Variants in CACNG3 observed in about 807,000 individuals in gnomAD.
CACNG3 encodes voltage-dependent calcium channel gamma-3 subunit.
CACNG3 carries 3 observed loss-of-function variants against 28.5 expected under a neutral mutation model. The observed-to-expected ratio is 0.11, with a 90% CI of 0.05 to 0.27. The LOEUF is 0.27. CACNG3 is among the 10% of genes least tolerant of loss of function. The pLI, the probability that CACNG3 is intolerant of heterozygous loss-of-function variation, is 1.00. For synonymous variants in CACNG3, 174 were observed against 162.2 expected (o/e 1.07, Z -0.55); for missense variants, 236 against 414.4 (o/e 0.57, Z 3.74).
intron 1 of CACNG3, among the ~76,000 whole-genome samples, chr16:24,290,725 C>A (rs1211243209): frequency 1.3e-5 from 2 of 152,126 alleles, no homozygotes; most frequent in Non-Finnish European, 2.9e-5. Flanking sequence ...AGGTGTGAGC[C>A]ACTACACCCA....
intron 1 of CACNG3, among the ~76,000 whole-genome samples, chr16:24,296,062 A>T (rs540414805): frequency 2.6e-5 from 4 of 152,294 alleles, no homozygotes; most frequent in South Asian, 4.1e-4. Flanking sequence ...GGTGCATCAC[A>T]CCAAAATAAG....
At chr16:24,263,449 G>T (rs577578474) in intron 1 of CACNG3, among the ~76,000 whole-genome samples, 118 of 152,066 alleles carry the variant, frequency 7.8e-4, no homozygotes, top group Non-Finnish European at 1.5e-3. Context: ...TGTTTCTGAG[G>T]TTAAACAGAA....
intron 1 of CACNG3, among the ~76,000 whole-genome samples, chr16:24,297,612 T>G (rs1165182674): frequency 6.6e-6 from 1 of 152,206 alleles, no homozygotes; most frequent in African/African-American, 2.4e-5. Context: ...CTCGATAGCC[T>G]GAGCAAACAG....
chr16:24,360,813 C>T (rs1172356019), intron 3 of CACNG3, among the ~76,000 whole-genome samples: 1 of 152,166 alleles, frequency 6.6e-6, no homozygotes, highest in Non-Finnish European at 1.5e-5. Flanking sequence ...CCTGGCTCAC[C>T]CCTATTTGAT....
At chr16:24,282,488 G>C (rs1331897758) in intron 1 of CACNG3, among the ~76,000 whole-genome samples, 1 of 151,858 alleles carries the variant, frequency 6.6e-6, no homozygotes, top group Non-Finnish European at 1.5e-5. Context: ...TGTTGGCCAG[G>C]ATGATCTCGA....
In CACNG3 at chr16:24,256,705, A is replaced by T. The variant is rs773865647; in HGVS notation, c.-50A>T. 7.9e-7 allele frequency: 1 copy of T among 1,267,084 alleles called. No individual in the cohort carries two copies. Among genetic ancestry groups the T allele is most frequent in the Non-Finnish European group, 1.2e-6 (1 of 864,378 alleles). 78.5% of individuals were successfully genotyped at this position (1,267,084 alleles called of 1,614,324 possible). Reference sequence around the variant, plus strand: ...CTGCAGAGTGATTTTCCCCTCCGGCACTGACTCTCCCCCTCCAACCCCCAG... The same window carrying T: ...CTGCAGAGTGATTTTCCCCTCCGGCTCTGACTCTCCCCCTCCAACCCCCAG... On this transcript the variant is annotated 5_prime_UTR_variant, in exon 1 of 4. Coordinates refer to ENST00000005284, the MANE Select transcript of CACNG3 (RefSeq NM_006539.4). The surrounding 1 kb of genome is among the most constrained non-coding windows in gnomAD (Gnocchi z 4.6).
intron 1 of CACNG3, among the ~76,000 whole-genome samples, chr16:24,312,965 GAAAAGAAAGAAAGAAAT>G (rs1567216127): frequency 1.0e-5 from 1 of 99,632 alleles, no homozygotes; most frequent in East Asian, 2.9e-4. Flanking sequence ...GAGAAAGAAA[GAAAAGAAAGAAAGAAAT>G]AAAAGAAAGA....
intron 1 of CACNG3, among the ~76,000 whole-genome samples, chr16:24,318,506 CGAAT>C (rs1899417181): frequency 6.6e-6 from 1 of 152,072 alleles, no homozygotes; most frequent in African/African-American, 2.4e-5. Context: ...TATCCTTTTT[CGAAT>C]GAATGAATGA....
chr16:24,358,235 T>C (rs1438708811), intron 3 of CACNG3, among the ~76,000 whole-genome samples: 2 of 152,274 alleles, frequency 1.3e-5, no homozygotes, highest in Non-Finnish European at 2.9e-5. Context: ...TCAGATACTA[T>C]GCAGAATGCC....
chr16:24,293,973 G>A (rs568205960), intron 1 of CACNG3, among the ~76,000 whole-genome samples: 4 of 152,028 alleles, frequency 2.6e-5, no homozygotes, highest in East Asian at 1.9e-4. Flanking sequence ...CTTGCTTTTC[G>A]TCCCCATCCA....
chr16:24,359,147 G>A (rs969753008), intron 3 of CACNG3, among the ~76,000 whole-genome samples: 19 of 152,102 alleles, frequency 1.2e-4, no homozygotes, highest in Admixed American at 5.2e-4. Context: ...CATGGCAGAG[G>A]AGAGAAAAAA....
intron 1 of CACNG3, among the ~76,000 whole-genome samples, chr16:24,314,870 G>C (rs779438590): frequency 3.6e-4 from 55 of 152,052 alleles, no homozygotes; most frequent in Non-Finnish European, 6.2e-4. Context: ...AGGGGCTGCA[G>C]GTTCCGAGGG....
At chr16:24,354,256 G>T (rs926606122) in intron 2 of CACNG3, among the ~76,000 whole-genome samples, 2 of 152,154 alleles carry the variant, frequency 1.3e-5, no homozygotes, top group African/African-American at 2.4e-5. Flanking sequence ...GATCGCTCTC[G>T]ATCTATCATG....
intron 1 of CACNG3, among the ~76,000 whole-genome samples, chr16:24,284,901 A>T (rs535327559): frequency 6.6e-6 from 1 of 152,042 alleles, no homozygotes; most frequent in Admixed American, 6.6e-5. Flanking sequence ...TGATAAAATC[A>T]TTGAAGGGGA....
rs1899396856 is a variant in CACNG3 at position 24,317,680 on chromosome 16, G to GAAAGAAAGAAAGAA, written c.212-29052_212-29039dup. ...AGAAAGAAAGAAAGAAAGAAAGAAA[G>GAAAGAAAGAAAGAA]AAAGAAAGAAAGAAAGAAAGAAAGA... On this transcript the variant is annotated intron_variant, in intron 1 of 3. Transcript: ENST00000005284. 8.8e-5 allele frequency among the ~76,000 whole-genome samples: 9 copies of GAAAGAAAGAAAGAA among 102,312 alleles called. No individual in the cohort carries two copies. In the South Asian group the frequency reaches 2.6e-3, roughly 30 times the overall value. The allele number at this position is 102,312 out of a possible 152,430, so 67.1% of individuals were successfully genotyped here.
At chr16:24,349,457 T>C in intron 2 of CACNG3, among the ~76,000 whole-genome samples, 1 of 152,330 alleles carries the variant, frequency 6.6e-6, no homozygotes, top group African/African-American at 2.4e-5. Flanking sequence ...TGTATTATAG[T>C]TACTTCTTGA....
chr16:24,296,610 CT>C (rs1899034644), intron 1 of CACNG3, among the ~76,000 whole-genome samples: 1 of 152,190 alleles, frequency 6.6e-6, no homozygotes, highest in Admixed American at 6.6e-5. Flanking sequence ...TTTCTTCCCC[CT>C]CTTCTCTTAA....
At chr16:24,330,824 G>C (rs770039751) in intron 1 of CACNG3, among the ~76,000 whole-genome samples, 2 of 152,198 alleles carry the variant, frequency 1.3e-5, no homozygotes, top group African/African-American at 4.8e-5. Flanking sequence ...TGCCTGCCAA[G>C]GTAGGGTTAA....
intron 1 of CACNG3, among the ~76,000 whole-genome samples, chr16:24,260,866 C>T (rs190548149): frequency 3.9e-4 from 60 of 152,288 alleles, no homozygotes; most frequent in Admixed American, 1.1e-3. Flanking sequence ...AAGTAGAGCC[C>T]TAACCTGCTG....
Sources: allele counts gnomAD v4.1 joint callset (sites outside exome capture counted in the v4.1 genomes callset), GRCh38; gene constraint gnomAD v4.1.1; non-coding constraint Gnocchi (gnomAD v3.1); transcripts MANE v1.5; gene names NCBI Gene and HGNC (gene_info 2026-07-23, HGNC 2026-07-21).